Variants in MMP28 observed in about 807,000 individuals in gnomAD.
The protein encoded by MMP28 is matrix metallopeptidase 28.
MMP28 carries 55 observed loss-of-function variants against 60.5 expected under a neutral mutation model. The observed-to-expected ratio is 0.91, with a 90% CI of 0.73 to 1.14. MMP28 has a LOEUF of 1.14. Among genes scored for constraint, MMP28 ranks in the 50% most tolerant of loss-of-function variants. The pLI is 0.00. For missense variants in MMP28, 686 were observed against 738.3 expected, an observed-to-expected ratio of 0.93 and a Z score of 0.82; for synonymous variants, 318 against 312.5, an observed-to-expected ratio of 1.02 and a Z score of -0.18.
At chr17:35,764,223 C>T (rs1441186818), downstream of MMP28, 3 of 1,544,984 alleles carry the variant, frequency 1.9e-6, no homozygotes, top group African/African-American at 2.8e-5. Flanking sequence ...CGCCAGGAGT[C>T]CAGCACCCAG....
chr17:35,779,229 A>G lies in MMP28; in HGVS notation c.191+15T>C. 1 of 1,605,982 alleles carries G rather than the reference A, an allele frequency of 6.2e-7. No homozygotes were observed. Among genetic ancestry groups the G allele is most frequent in the African/African-American group, 1.3e-5 (1 of 74,906 alleles). On this transcript the variant is annotated intron_variant, in intron 2 of 7. Transcript: ENST00000605424. Reference sequence around the variant, plus strand: ...AGCACCCCTACCCCAAGTCCTCCACATCCCTCCACCCTACCTGATGGCATC... The same window carrying G: ...AGCACCCCTACCCCAAGTCCTCCACGTCCCTCCACCCTACCTGATGGCATC...
intron 2 of MMP28, among the ~76,000 whole-genome samples, chr17:35,758,521 G>A (rs782053731): frequency 3.3e-5 from 5 of 151,890 alleles, no homozygotes; most frequent in East Asian, 1.9e-4. Flanking sequence ...GTGAAACCCC[G>A]TCTCTACTAA....
intron 5 of MMP28, 110 bp downstream of exon 5, chr17:35,769,957 A>G: frequency 7.3e-7 from 1 of 1,368,784 alleles, no homozygotes; most frequent in Non-Finnish European, 9.7e-7. Context: ...CAGGGAGGCC[A>G]GATCTATGAG....
At chr17:35,794,971 G>C (rs895411317) in intron 1 of MMP28, among the ~76,000 whole-genome samples, 1 of 152,200 alleles carries the variant, frequency 6.6e-6, no homozygotes, top group Non-Finnish European at 1.5e-5. Flanking sequence ...TGGTGAGGGA[G>C]AGTGGCCCCG....
intron 4 of MMP28, 23 bp from the exon 5 acceptor site, chr17:35,770,335 G>A (rs1555605160): frequency 4.1e-6 from 6 of 1,479,306 alleles, no homozygotes; most frequent in Non-Finnish European, 5.3e-6. Flanking sequence ...CAGAAGGTCA[G>A]GGGGTGCCAC....
chr17:35,778,851 G>A (rs1400941506), intron 3 of MMP28, 37 bp downstream of exon 3: 1 of 1,614,020 alleles, frequency 6.2e-7, no homozygotes. Context: ...CAAGACATTG[G>A]GAAATCTTGG....
intron 3 of MMP28, among the ~76,000 whole-genome samples, chr17:35,773,822 T>C (rs226431): frequency 3.9e-5 from 6 of 152,150 alleles, no homozygotes; most frequent in Non-Finnish European, 8.8e-5. Flanking sequence ...CTCCCTGCAG[T>C]GTCAGAGTGG....
At chr17:35,782,012 G>T (rs572295760) in intron 1 of MMP28, among the ~76,000 whole-genome samples, 1 of 150,642 alleles carries the variant, frequency 6.6e-6, no homozygotes, top group Admixed American at 6.6e-5. Flanking sequence ...AGGACTACAG[G>T]TGCTGCATGC....
chr17:35,767,621 G>A, intron 7 of MMP28, 131 bp downstream of exon 7: 2 of 1,102,228 alleles, frequency 1.8e-6, no homozygotes, highest in Non-Finnish European at 1.3e-6. Context: ...GGGGTCACAG[G>A]TTCAGATTGG....
At chr17:35,771,018 A>G (rs1555605455) in intron 4 of MMP28, among the ~76,000 whole-genome samples, 3 of 151,980 alleles carry the variant, frequency 2.0e-5, no homozygotes, top group Non-Finnish European at 4.4e-5. Context: ...GCGCCACTAC[A>G]CTCCAGCCTG....
chr17:35,770,160 C>T lies in MMP28; in HGVS notation c.757G>A (p.Ala253Thr). Residue 253 changes from alanine to threonine, a missense_variant, in exon 5 of 8, where the codon GCG (alanine) becomes ACG (threonine). Ala to Thr is a moderately conservative substitution (Grantham distance 58). Coordinates refer to ENST00000605424, the MANE Select transcript of MMP28 (RefSeq NM_024302.5). ...TAGGGCGCCATGAGCGCGCGCGGCG[C>T]GGGCGAGTGGGTGAGGCCAAGCGTG... is the stretch of plus-strand genomic sequence containing the variant. Reference protein sequence around the residue: ...GHTLGLTHSPAPRALMAPYYK... With the variant: ...GHTLGLTHSPTPRALMAPYYK... The T allele has an allele frequency of 1.2e-6, 2 of 1,607,094 alleles. No homozygotes were observed. The highest frequency in any genetic ancestry group is 8.5e-7 in the Non-Finnish European group (1 of 1,178,116).
At chr17:35,767,141 C>G (rs1357828603) in intron 7 of MMP28, 1 of 695,632 alleles carries the variant, frequency 1.4e-6, no homozygotes, top group Non-Finnish European at 2.6e-6. Context: ...GAAAGGAAGG[C>G]CCAGAGCTTT....
downstream of MMP28, among the ~76,000 whole-genome samples, chr17:35,763,070 C>G (rs587690385): frequency 6.7e-6 from 1 of 150,106 alleles, no homozygotes; most frequent in Non-Finnish European, 1.5e-5. Flanking sequence ...TGCAGTGAGC[C>G]GAGATGGCAC....
Position 35,773,164 on chromosome 17 carries a change from G to A in MMP28, c.604+16C>T, listed in dbSNP as rs1011016720. 10 of 1,610,180 alleles carry A rather than the reference G, an allele frequency of 6.2e-6. No homozygotes were observed. The highest frequency in any genetic ancestry group is 1.6e-4 in the Middle Eastern group (1 of 6,070). On this transcript the variant is annotated intron_variant, in intron 4 of 7. Coordinates refer to ENST00000605424, the MANE Select transcript of MMP28 (RefSeq NM_024302.5). ...TTCCCCTCCTGCTGTGCGGGAGGGA[G>A]GCTTTGTGCCAGCACCTGGGCCATC...
intron 4 of MMP28, among the ~76,000 whole-genome samples, chr17:35,771,707 AT>A: frequency 4.6e-5 from 1 of 21,796 alleles, no homozygotes; most frequent in African/African-American, 2.4e-4. Flanking sequence ...ATATATATAT[AT>A]ATATATATAT....
At position 35,766,228 on chromosome 17, in the gene MMP28, A is replaced by G. The variant is rs2085933454; in HGVS notation, c.*272T>C. 1 of 1,251,980 alleles carries G rather than the reference A, an allele frequency of 8.0e-7. No homozygotes were observed. Among genetic ancestry groups the G allele is most frequent in the Admixed American group, 3.7e-5 (1 of 27,372 alleles). 77.6% of individuals were successfully genotyped at this position (1,251,980 alleles called of 1,614,324 possible). A position where few individuals can be genotyped will look rare whatever the true frequency, so the allele number is the denominator to read the frequency against. ...CCGAAGAAACAAAGGCCTGGGGAGG[A>G]TAGAAGTCCTCGGAGGAAAGGGCCA... On this transcript the variant is annotated 3_prime_UTR_variant, in exon 8 of 8. Coordinates refer to ENST00000605424, the MANE Select transcript of MMP28 (RefSeq NM_024302.5). The surrounding 1 kb of genome is among the most constrained non-coding windows in gnomAD (Gnocchi z 4.3).
downstream of MMP28, chr17:35,763,966 C>T (rs1456446457): frequency 2.9e-6 from 4 of 1,394,170 alleles, no homozygotes; most frequent in African/African-American, 4.6e-5. Context: ...GACCCTTTCT[C>T]GGGGACAGCA....
At chr17:35,787,941 G>A (rs982194905) in intron 1 of MMP28, among the ~76,000 whole-genome samples, 3 of 123,820 alleles carry the variant, frequency 2.4e-5, no homozygotes, top group South Asian at 2.5e-4. Context: ...GGTCTTGCTC[G>A]TCGCCCTGGC....
At chr17:35,786,085 C>T (rs1287982432) in intron 1 of MMP28, among the ~76,000 whole-genome samples, 3 of 139,798 alleles carry the variant, frequency 2.1e-5, no homozygotes, top group Non-Finnish European at 3.1e-5. Context: ...CACGGAGTTT[C>T]GCTTCTTGTT....
Sources: allele counts gnomAD v4.1 joint callset (sites outside exome capture counted in the v4.1 genomes callset), GRCh38; gene constraint gnomAD v4.1.1; non-coding constraint Gnocchi (gnomAD v3.1); transcripts MANE v1.5; gene names NCBI Gene and HGNC (gene_info 2026-07-23, HGNC 2026-07-21).